Variants in VPS9D1 observed in about 807,000 individuals in gnomAD.
VPS9D1 encodes the protein VPS9 domain-containing protein 1.
VPS9D1 carries 78 observed loss-of-function variants against 75.8 expected under a neutral mutation model. The ratio of observed to expected loss-of-function variants is 1.03; its 90% CI spans 0.86 to 1.24. The LOEUF (loss-of-function observed/expected upper bound fraction) is 1.24. Ranked by LOEUF, VPS9D1 falls within the 50% of genes most tolerant of loss-of-function variation. The pLI, the probability that VPS9D1 is intolerant of heterozygous loss-of-function variation, is 0.00. For synonymous variants in VPS9D1, 481 were observed against 385.6 expected, an observed-to-expected ratio of 1.25 and a Z score of -2.90; for missense variants, 1,057 against 847.7, an observed-to-expected ratio of 1.25 and a Z score of -3.07.
intron 14 of VPS9D1, 70 bp from the exon 15 acceptor site, chr16:89,708,024 T>G: frequency 6.8e-7 from 1 of 1,473,736 alleles, no homozygotes; most frequent in Non-Finnish European, 9.5e-7. Flanking sequence ...CTCCAGAAGG[T>G]AGTGTCTGCC....
At chr16:89,711,799 C>CCA (rs2060933505) in intron 8 of VPS9D1, 83 bp downstream of exon 8, 2 of 1,475,696 alleles carry the variant, frequency 1.4e-6, no homozygotes, top group Non-Finnish European at 1.8e-6. Context: ...GCTCCGCCCC[C>CCA]CACGGGGGCC....
chr16:89,711,878 G>C lies in VPS9D1; in HGVS notation c.747+4C>G. On this transcript the variant is annotated splice_donor_region_variant and intron_variant, in intron 8 of 14. Transcript: ENST00000389386. ...TACAAAGCCTGGGCCCGTGGGGGAC[G>C]CACATGGTCCTGTTCGTACTCCAGG... is the stretch of plus-strand genomic sequence containing the variant. 5 of 1,550,224 alleles carry C rather than the reference G, an allele frequency of 3.2e-6. No individual in the cohort carries two copies. Among genetic ancestry groups the C allele is most frequent in the Non-Finnish European group, 4.4e-6 (5 of 1,146,520 alleles).
intron 8 of VPS9D1, 107 bp from the exon 9 acceptor site, chr16:89,711,519 G>T: frequency 9.0e-7 from 1 of 1,115,742 alleles, no homozygotes; most frequent in Non-Finnish European, 1.3e-6. Flanking sequence ...GCCCGTCCTG[G>T]GGTGCAGGAG....
At chr16:89,716,687 T>A (rs1258901526) in intron 3 of VPS9D1, 43 bp downstream of exon 3, 1 of 1,597,304 alleles carries the variant, frequency 6.3e-7, no homozygotes, top group African/African-American at 1.3e-5. Flanking sequence ...AGATGCGGGC[T>A]TGGGGGATGC....
chr16:89,709,980 C>A, intron 10 of VPS9D1, 74 bp from the exon 11 acceptor site: 2 of 1,517,396 alleles, frequency 1.3e-6, no homozygotes, highest in Non-Finnish European at 1.8e-6. Context: ...AGCCACGGGG[C>A]CTTTCTCCGC....
At chr16:89,714,797 C>T (rs562547239) in intron 4 of VPS9D1, among the ~76,000 whole-genome samples, 10 of 152,132 alleles carry the variant, frequency 6.6e-5, no homozygotes, top group East Asian at 3.9e-4. Flanking sequence ...TGCAGTGGCA[C>T]GATCTTGGCT....
chr16:89,709,950 T>C (rs921997261), intron 10 of VPS9D1, 44 bp from the exon 11 acceptor site: 1 of 1,555,466 alleles, frequency 6.4e-7, no homozygotes, highest in Non-Finnish European at 8.7e-7. Context: ...GCTCCTCCCC[T>C]GCTGGGTCAA....
Position 89,707,958 on chromosome 16 carries a change from C to A in VPS9D1, c.1803-4G>T, listed in dbSNP as rs1567538677. 2.0e-5 allele frequency: 32 copies of A among 1,612,624 alleles called. No individual in the cohort carries two copies. Among genetic ancestry groups the A allele is most frequent in the Non-Finnish European group, 2.7e-5 (32 of 1,179,674 alleles). The stretch of plus-strand genomic sequence containing the variant: ...GCCCTCCTCTCCGATCAGGTACCTG[C>A]ATGGATGGCAGGGGCAGCCGGTGTC... On this transcript the variant is annotated splice_polypyrimidine_tract_variant and splice_region_variant and intron_variant, in intron 14 of 14. Coordinates refer to ENST00000389386, the MANE Select transcript of VPS9D1 (RefSeq NM_004913.3).
intron 4 of VPS9D1, among the ~76,000 whole-genome samples, chr16:89,715,973 C>T (rs1193087319): frequency 6.6e-6 from 1 of 151,950 alleles, no homozygotes; most frequent in African/African-American, 2.4e-5. Flanking sequence ...CACCAGGCCG[C>T]CTGCATTTGC....
chr16:89,715,503 G>A (rs1439841899), intron 4 of VPS9D1, among the ~76,000 whole-genome samples: 1 of 151,912 alleles, frequency 6.6e-6, no homozygotes, highest in African/African-American at 2.4e-5. Context: ...TGGGATTACA[G>A]GCGTGAGCCA....
At chr16:89,718,554 A>G (rs1375060882) in intron 2 of VPS9D1, among the ~76,000 whole-genome samples, 1 of 152,052 alleles carries the variant, frequency 6.6e-6, no homozygotes, top group African/African-American at 2.4e-5. Flanking sequence ...TCCTGCCACT[A>G]TATCACACTG....
At chr16:89,716,359 C>T (rs1443960458) in intron 4 of VPS9D1, 103 bp downstream of exon 4, 15 of 1,542,734 alleles carry the variant, frequency 9.7e-6, no homozygotes, top group South Asian at 9.3e-5. Context: ...GAGTGAGACT[C>T]TGTCTCAAAA....
intron 4 of VPS9D1, among the ~76,000 whole-genome samples, chr16:89,713,731 G>T (rs922183479): frequency 1.3e-5 from 2 of 151,780 alleles, no homozygotes; most frequent in African/African-American, 4.8e-5. Context: ...ACTGAGGGCT[G>T]GGCACGGTGG....
chr16:89,712,360 C>T (rs1466567273), intron 6 of VPS9D1, 100 bp downstream of exon 6: 2 of 1,548,270 alleles, frequency 1.3e-6, no homozygotes, highest in Admixed American at 3.7e-5. Flanking sequence ...GTACCCCGAC[C>T]CCGGAACCTC....
Position 89,711,140 on chromosome 16 carries a change from C to T in VPS9D1, c.834-130G>A, listed in dbSNP as rs1286382558. On this transcript the variant is annotated intron_variant, in intron 9 of 14. Coordinates refer to ENST00000389386, the MANE Select transcript of VPS9D1 (RefSeq NM_004913.3). ...CTGACAGTGAATGTTGGAAAGTCTG[C>T]CCCCCGCCCCCGCTGGGGAGGTTGG... The T allele has an allele frequency of 4.1e-6, 5 of 1,213,818 alleles. No individual in the cohort carries two copies. In the East Asian group the frequency reaches 7.9e-5, roughly 19 times the overall value. 75.2% of individuals were successfully genotyped at this position (1,213,818 alleles called of 1,614,324 possible). A position where few individuals can be genotyped will look rare whatever the true frequency, so the allele number is the denominator to read the frequency against.
At chr16:89,720,488 G>T in intron 1 of VPS9D1, 1 of 1,118,438 alleles carries the variant, frequency 8.9e-7, no homozygotes, top group Non-Finnish European at 1.1e-6. Context: ...GGACCCTCCT[G>T]CTACATCTCC....
chr16:89,716,252 GCTA>G (rs1237899789), intron 4 of VPS9D1, among the ~76,000 whole-genome samples: 1 of 151,990 alleles, frequency 6.6e-6, no homozygotes, highest in African/African-American at 2.4e-5. Context: ...TGTAGTCTCA[GCTA>G]CTTGGGAGGC....
rs980204927 is a variant in VPS9D1, at chr16:89,712,248, C to G, written c.607-149G>C. The G allele has an allele frequency of 2.9e-6, 4 of 1,365,730 alleles. No homozygotes were observed. In the African/African-American group the frequency reaches 5.9e-5, roughly 20 times the overall value. 84.6% of individuals were successfully genotyped at this position (1,365,730 alleles called of 1,614,324 possible). On this transcript the variant is annotated intron_variant, in intron 6 of 14. Coordinates refer to ENST00000389386, the MANE Select transcript of VPS9D1 (RefSeq NM_004913.3). ...GTAAGGCTTCTGGGGCAGAAGGCAG[C>G]CTGCGCTCAAGCCAGGAGGGCCGGG...
At position 89,709,248 on chromosome 16, in the gene VPS9D1, G is replaced by T. The variant is rs1284283776; in HGVS notation, c.1576C>A (p.Gln526Lys). 1.9e-6 allele frequency: 3 copies of T among 1,611,824 alleles called. No homozygotes were observed. The highest frequency in any genetic ancestry group is 1.1e-5 in the South Asian group (1 of 91,042). ...TGACCTATGCACTCCAGCTTCTTCT[G>T]GGGGCAGCTCTCCAGGACCAGCAGT... The part of the protein sequence containing the change: ...LGLLVLESCP[Q>K]KKLECIVRTL... The change falls in exon 12 of 15, where the codon CAG becomes AAG. Residue 526 changes from glutamine to lysine, a missense_variant. Transcript: ENST00000389386.
Sources: gnomAD v4.1 joint callset for allele counts (sites outside exome capture counted in the v4.1 genomes callset) on GRCh38, gnomAD v4.1.1 for gene constraint, MANE v1.5 for transcripts, NCBI Gene and HGNC (gene_info 2026-07-23, HGNC 2026-07-21) for gene names.